Variants in TVP23C observed in about 807,000 individuals in gnomAD.
The protein encoded by TVP23C is trans-golgi network vesicle protein 23 homolog C.
A neutral mutation model predicts 28.7 loss-of-function variants in TVP23C; 19 were observed. The ratio of observed to expected loss-of-function variants is 0.66; its 90% confidence interval spans 0.46 to 0.97. The LOEUF is 0.97. Ranked by LOEUF, TVP23C falls within the 50% of genes least tolerant of loss-of-function variation. TVP23C has a pLI of 0.00. For synonymous variants in TVP23C, 68 were observed against 81.7 expected (o/e 0.83, Z 0.90); for missense variants, 186 against 241.3 (o/e 0.77, Z 1.52).
rs1225743071 is a variant in TVP23C at position 15,545,765 on chromosome 17, A to G, written c.462+20T>C. On this transcript the variant is annotated intron_variant, in intron 5 of 5. Transcript: ENST00000518321. ...CAGACATCTTAATGGATTATTTGAA[A>G]GTTCTACACTGATACTCACCAGCCA... is the stretch of plus-strand genomic sequence containing the variant. 4 of 1,594,094 alleles carry G rather than the reference A, an allele frequency of 2.5e-6. No individual in the cohort carries two copies. In the South Asian group the frequency reaches 4.6e-5, roughly 18 times the overall value.
At chr17:15,533,158 T>G (rs1480182168), downstream of TVP23C, among the ~76,000 whole-genome samples, 3 of 152,222 alleles carry the variant, frequency 2.0e-5, no homozygotes, top group African/African-American at 7.2e-5. Context: ...CAATATAACT[T>G]ACGTGAGGCA....
At chr17:15,521,719 G>A (rs1982488809) in intron 5 of TVP23C, among the ~76,000 whole-genome samples, 1 of 152,216 alleles carries the variant, frequency 6.6e-6, no homozygotes, top group Non-Finnish European at 1.5e-5. Flanking sequence ...AAAAAGAAAT[G>A]TGATTCTGTG....
At position 15,538,137 on chromosome 17, in the gene TVP23C, T is replaced by A. The variant is rs1005312507; in HGVS notation, c.*2275A>T. The A allele has an allele frequency of 3.1e-6, 5 of 1,613,766 alleles. No homozygotes were observed. Among genetic ancestry groups the A allele is most frequent in the Admixed American group, 1.7e-5 (1 of 59,970 alleles). ...ATAAGCTTTCTCTATTCAGGAAGTC[T>A]GATCATCTCCAGTGTTCCGCAAAAG... On this transcript the variant is annotated 3_prime_UTR_variant, in exon 6 of 6. Coordinates refer to ENST00000518321, the MANE Select transcript of TVP23C (RefSeq NM_001135036.2).
At chr17:15,542,958 C>T (rs1282659588) in intron 5 of TVP23C, among the ~76,000 whole-genome samples, 1 of 152,162 alleles carries the variant, frequency 6.6e-6, no homozygotes, top group Non-Finnish European at 1.5e-5. Flanking sequence ...ATAACCTCTC[C>T]CTGTTTTGTT....
intron 3 of TVP23C, among the ~76,000 whole-genome samples, chr17:15,550,943 T>G (rs1214489808): frequency 6.6e-6 from 1 of 152,214 alleles, no homozygotes; most frequent in Non-Finnish European, 1.5e-5. Context: ...ACATTTCCTA[T>G]TATAATGAAT....
At chr17:15,504,829 C>G (rs986925952) in intron 5 of TVP23C, among the ~76,000 whole-genome samples, 2 of 152,186 alleles carry the variant, frequency 1.3e-5, no homozygotes, top group African/African-American at 2.4e-5. Context: ...AGCCACTGTG[C>G]TCCACGGAGG....
At chr17:15,545,469 G>A (rs1291353696) in intron 5 of TVP23C, among the ~76,000 whole-genome samples, 8 of 152,288 alleles carry the variant, frequency 5.3e-5, no homozygotes, top group African/African-American at 1.7e-4. Context: ...TGAGATAATG[G>A]CTGTTGTTGC....
intron 5 of TVP23C, among the ~76,000 whole-genome samples, chr17:15,528,348 CTTT>C (rs1982812510): frequency 6.6e-6 from 1 of 151,642 alleles, no homozygotes; most frequent in Non-Finnish European, 1.5e-5. Context: ...GTGATTTCTT[CTTT>C]GACCCACTGG....
rs189357584 is a variant in TVP23C at position 15,537,988 on chromosome 17, T to G, written c.*2424A>C. 1,336 of 1,480,686 alleles carry G rather than the reference T, an allele frequency of 9.0e-4. 8 individuals carry two copies. The African/African-American group carries it at 0.018, about 19-fold the overall frequency. The allele number at this position is 1,480,686 out of a possible 1,614,324, so 91.7% of individuals were successfully genotyped here. A position where few individuals can be genotyped will look rare whatever the true frequency, so the allele number is the denominator to read the frequency against. ...AAAAACTTAATATGAAAACTACTTT[T>G]CCTTTTTATAAATAAAGTTTTTAAG... On this transcript the variant is annotated 3_prime_UTR_variant, in exon 6 of 6. Transcript: ENST00000518321.
chr17:15,541,088 A>G (rs930599836), intron 5 of TVP23C, among the ~76,000 whole-genome samples: 1 of 152,132 alleles, frequency 6.6e-6, no homozygotes, highest in Non-Finnish European at 1.5e-5. Flanking sequence ...GCCTTCCCCG[A>G]GGAGAGAGAC....
rs1983349298 is a variant in TVP23C, at chr17:15,540,122, C to T, written c.*290G>A. On this transcript the variant is annotated 3_prime_UTR_variant, in exon 6 of 6. Transcript: ENST00000518321. Reference sequence around the variant, plus strand: ...AATAAAAATAAAAACATACAACATACATTCTGCAAGGGCATTCACTTAAAG... The same window carrying T: ...AATAAAAATAAAAACATACAACATATATTCTGCAAGGGCATTCACTTAAAG... 5.7e-6 allele frequency: 7 copies of T among 1,232,264 alleles called. No individual in the cohort carries two copies. Among genetic ancestry groups the T allele is most frequent in the Non-Finnish European group, 6.1e-6 (6 of 986,294 alleles). 76.3% of individuals were successfully genotyped at this position (1,232,264 alleles called of 1,614,324 possible). A position where few individuals can be genotyped will look rare whatever the true frequency, so the allele number is the denominator to read the frequency against.
intron 5 of TVP23C, among the ~76,000 whole-genome samples, chr17:15,544,309 A>G (rs2589684): frequency 3.9e-5 from 6 of 152,240 alleles, no homozygotes; most frequent in Non-Finnish European, 7.3e-5. Flanking sequence ...AGAAGCTGCA[A>G]TAAGACTGGT....
At chr17:15,524,402 C>T (rs1982631691) in intron 5 of TVP23C, among the ~76,000 whole-genome samples, 1 of 151,980 alleles carries the variant, frequency 6.6e-6, no homozygotes, top group Non-Finnish European at 1.5e-5. Context: ...AAGATGAATG[C>T]TTGGTTGTTT....
intron 5 of TVP23C, among the ~76,000 whole-genome samples, chr17:15,515,971 A>T (rs895810615): frequency 6.6e-6 from 1 of 152,100 alleles, no homozygotes; most frequent in African/African-American, 2.4e-5. Flanking sequence ...TGGTTATTTT[A>T]AAAGTGTGTG....
chr17:15,561,602 A>AAATG (rs201163005), intron 1 of TVP23C, among the ~76,000 whole-genome samples: 2,623 of 126,666 alleles, frequency 0.021, 53 homozygotes, highest in African/African-American at 0.067. Flanking sequence ...TCCGTCTCAT[A>AAATG]AATGAATGAA....
At chr17:15,526,166 GCTTCAACTCTGCTCT>G (rs796708256) in intron 5 of TVP23C, among the ~76,000 whole-genome samples, 2 of 151,878 alleles carry the variant, frequency 1.3e-5, no homozygotes, top group African/African-American at 2.4e-5. Context: ...CATTGTTACA[GCTTCAACTCTGCTCT>G]ACAGAGATGC....
chr17:15,510,067 C>T (rs1981935327), intron 5 of TVP23C, among the ~76,000 whole-genome samples: 1 of 152,186 alleles, frequency 6.6e-6, no homozygotes. Context: ...AAAAGTGCTA[C>T]TTAGAATGAA....
At chr17:15,530,587 T>C (rs993826038) in intron 5 of TVP23C, among the ~76,000 whole-genome samples, 9 of 152,246 alleles carry the variant, frequency 5.9e-5, no homozygotes, top group African/African-American at 1.9e-4. Context: ...ATATTTCATA[T>C]TTACCTATGT....
chr17:15,504,211 C>G (rs1981619453), intron 5 of TVP23C, among the ~76,000 whole-genome samples: 1 of 152,186 alleles, frequency 6.6e-6, no homozygotes, highest in Admixed American at 6.5e-5. Context: ...TGGTACTGGG[C>G]TTTATATTCC....
Sources: gnomAD v4.1 joint callset for allele counts (sites outside exome capture counted in the v4.1 genomes callset) on GRCh38, gnomAD v4.1.1 for gene constraint, MANE v1.5 for transcripts, NCBI Gene and HGNC (gene_info 2026-07-23, HGNC 2026-07-21) for gene names.